Variants in SPTLC2 observed in about 807,000 individuals in gnomAD.
SPTLC2 encodes the protein serine palmitoyltransferase long chain base subunit 2.
In SPTLC2, 21 loss-of-function variants were observed where a neutral mutation model predicts 62.0. The ratio of observed to expected loss-of-function variants is 0.34; its 90% CI spans 0.24 to 0.49. SPTLC2 has a LOEUF of 0.49. SPTLC2 is among the 20% of genes least tolerant of loss of function. The probability of loss-of-function intolerance (pLI) is 0.99; values close to 1 mark genes in which losing one functional copy is unlikely to be tolerated. For missense variants in SPTLC2, 511 were observed against 713.0 expected (o/e 0.72, Z 3.23); for synonymous variants, 261 against 261.8 (o/e 1.00, Z 0.03).
intron 1 of SPTLC2, among the ~76,000 whole-genome samples, chr14:77,608,073 CA>C (rs2079914453): frequency 6.6e-6 from 1 of 152,166 alleles, no homozygotes; most frequent in African/African-American, 2.4e-5. Flanking sequence ...GAGGGTGCCG[CA>C]AAAGTCACCA....
At chr14:77,576,739 C>G in intron 4 of SPTLC2, 28 bp downstream of exon 4, 14 of 1,614,078 alleles carry the variant, frequency 8.7e-6, no homozygotes, top group Non-Finnish European at 1.1e-5. Context: ...TCAAAAACAG[C>G]AGCTGGCCAA....
chr14:77,544,280 GATT>G (rs971230230), intron 9 of SPTLC2, among the ~76,000 whole-genome samples: 1 of 152,086 alleles, frequency 6.6e-6, no homozygotes, highest in African/African-American at 2.4e-5. Flanking sequence ...AAAATGTTAC[GATT>G]ACATCCCAAA....
chr14:77,530,861 T>C (rs28719093), intron 9 of SPTLC2, among the ~76,000 whole-genome samples: 28,542 of 152,110 alleles, frequency 0.19, 3,340 homozygotes, highest in African/African-American at 0.33. Flanking sequence ...ATGTTAAGTA[T>C]TTAACGTAGG....
intron 3 of SPTLC2, among the ~76,000 whole-genome samples, chr14:77,578,132 G>A (rs80008117): frequency 0.12 from 18,711 of 152,080 alleles, 1,285 homozygotes; most frequent in African/African-American, 0.18. Flanking sequence ...GCAACAAAGC[G>A]AGACTCTGAC....
At chr14:77,584,009 C>T (rs2079767923) in intron 2 of SPTLC2, among the ~76,000 whole-genome samples, 1 of 152,190 alleles carries the variant, frequency 6.6e-6, no homozygotes, top group Non-Finnish European at 1.5e-5. Context: ...GCTTGAAATA[C>T]TCCTCACTTA....
intron 1 of SPTLC2, among the ~76,000 whole-genome samples, chr14:77,608,904 T>G (rs2079919669): frequency 6.9e-6 from 1 of 144,248 alleles, no homozygotes; most frequent in African/African-American, 2.6e-5. Flanking sequence ...GGTGACAGAT[T>G]GAGGCTCCAT....
chr14:77,604,051 G>T (rs780713175), intron 1 of SPTLC2, among the ~76,000 whole-genome samples: 2 of 152,340 alleles, frequency 1.3e-5, no homozygotes, highest in South Asian at 4.1e-4. Context: ...CACCACTGGA[G>T]AGGCAATCCG....
chr14:77,598,737 G>A (rs2079861662), intron 1 of SPTLC2, among the ~76,000 whole-genome samples: 1 of 152,138 alleles, frequency 6.6e-6, no homozygotes, highest in African/African-American at 2.4e-5. Context: ...TTTGAGACCA[G>A]CCTGGGCACA....
Position 77,597,276 on chromosome 14 carries a change from G to C in SPTLC2, c.237C>G (p.Gly79=). The C allele has an allele frequency of 6.2e-7, 1 of 1,614,072 alleles. No homozygotes were observed. Among genetic ancestry groups the C allele is most frequent in the Non-Finnish European group, 8.5e-7 (1 of 1,180,002 alleles). Residue 79 remains glycine (G), a synonymous_variant, in exon 2 of 12, where the codon GGC becomes GGG. Coordinates refer to ENST00000216484, the MANE Select transcript of SPTLC2 (RefSeq NM_004863.4). ...LVAVLTYVGY[G]VLTLFGYLRD... ...GAAGATATCCAAAGAGGGTGAGTAC[G>C]CCATACCCCACATACGTGAGCACAG...
rs1555373703 is a variant in SPTLC2 at position 77,529,620 on chromosome 14, C to CTTTCTTTTTTTTTTTTTTTTTTTT, written c.1304-8040_1304-8039insAAAAAAAAAAAAAAAAAAAAGAAA. Reference sequence around the variant, plus strand: ...TTCTAGGAAAGCAATTTCTTTCTTTCTTTTTTTTTTTTTTTTTTTTTTGAG... The same window carrying CTTTCTTTTTTTTTTTTTTTTTTTT: ...TTCTAGGAAAGCAATTTCTTTCTTTCTTTCTTTTTTTTTTTTTTTTTTTTTTTTTTTTTTTTTTTTTTTTTTGAG... On this transcript the variant is annotated intron_variant, in intron 9 of 11. Coordinates refer to ENST00000216484, the MANE Select transcript of SPTLC2 (RefSeq NM_004863.4). Among the ~76,000 whole-genome samples the CTTTCTTTTTTTTTTTTTTTTTTTT allele has an allele frequency of 9.6e-4, 73 of 76,054 alleles. 3 individuals carry two copies. The highest frequency in any genetic ancestry group is 1.5e-3 in the East Asian group (2 of 1,366). The allele number at this position is 76,054 out of a possible 152,430, so 49.9% of individuals were successfully genotyped here. A position where few individuals can be genotyped will look rare whatever the true frequency, so the allele number is the denominator to read the frequency against.
intron 11 of SPTLC2, among the ~76,000 whole-genome samples, chr14:77,516,018 ATGTG>A (rs896893191): frequency 8.2e-5 from 2 of 24,402 alleles, no homozygotes; most frequent in Non-Finnish European, 4.6e-4. Context: ...GCGCGCGCGC[ATGTG>A]TGTGTGTGTA....
intron 2 of SPTLC2, among the ~76,000 whole-genome samples, chr14:77,579,690 G>A (rs939158711): frequency 6.6e-6 from 1 of 152,062 alleles, no homozygotes; most frequent in Admixed American, 6.6e-5. Flanking sequence ...GGGCTGCAGT[G>A]AGCTATGATG....
Position 77,597,819 on chromosome 14 carries a change from GA to G in SPTLC2, c.133-440del, listed in dbSNP as rs571771933. 3.4e-3 allele frequency among the ~76,000 whole-genome samples: 432 copies of G among 128,676 alleles called. 2 individuals carry two copies. Among genetic ancestry groups the G allele is most frequent in the African/African-American group, 9.9e-3 (332 of 33,496 alleles). 84.4% of individuals were successfully genotyped at this position (128,676 alleles called of 152,430 possible). A position where few individuals can be genotyped will look rare whatever the true frequency, so the allele number is the denominator to read the frequency against. ...TAAGTTCCAACCTCACTGGAAACAA[GA>G]AAAAAAAAAAAAAGAATTTTAGGCC... is the stretch of plus-strand genomic sequence containing the variant. On this transcript the variant is annotated intron_variant, in intron 1 of 11. Coordinates refer to ENST00000216484, the MANE Select transcript of SPTLC2 (RefSeq NM_004863.4).
At chr14:77,566,157 T>C (rs990990986) in intron 5 of SPTLC2, among the ~76,000 whole-genome samples, 25 of 152,174 alleles carry the variant, frequency 1.6e-4, no homozygotes, top group African/African-American at 5.5e-4. Context: ...TCTTTTTTTC[T>C]GGCAAAAAGG....
intron 9 of SPTLC2, among the ~76,000 whole-genome samples, chr14:77,536,418 G>C (rs1281621451): frequency 6.6e-6 from 1 of 151,584 alleles, no homozygotes; most frequent in African/African-American, 2.4e-5. Flanking sequence ...ACGTCACCAG[G>C]TGATTTTTTA....
At chr14:77,529,620 C>CTTTTTTTTTTTTTTTTTTTTT (rs71452856) in intron 9 of SPTLC2, among the ~76,000 whole-genome samples, 9 of 76,054 alleles carry the variant, frequency 1.2e-4, no homozygotes, top group South Asian at 5.8e-4. Context: ...TTCTTTCTTT[C>CTTTTTTTTTTTTTTTTTTTTT]TTTTTTTTTT....
intron 9 of SPTLC2, among the ~76,000 whole-genome samples, chr14:77,524,457 T>G (rs1594969955): frequency 6.7e-6 from 1 of 148,824 alleles, no homozygotes; most frequent in Admixed American, 6.7e-5. Flanking sequence ...AAAAAAAAAG[T>G]TTTTTCAAAC....
intron 11 of SPTLC2, 71 bp downstream of exon 11, chr14:77,517,967 T>C (rs1311645941): frequency 1.3e-6 from 2 of 1,599,032 alleles, no homozygotes; most frequent in South Asian, 1.1e-5. Context: ...CAATATATTA[T>C]GAATTTCATC....
At position 77,569,222 on chromosome 14, in the gene SPTLC2, A is replaced by G. The variant is rs187407442; in HGVS notation, c.756+1162T>C. Among the ~76,000 whole-genome samples, 141 of 151,992 alleles carry G rather than the reference A, an allele frequency of 9.3e-4. 1 individual carries two copies. The highest frequency in any genetic ancestry group is 3.1e-3 in the African/African-American group (130 of 41,448). ...TATTTGCATGCTGTATTTTTTTTCT[A>G]TCCTTTTCCTTTTAACCTCTGTGTC... is the stretch of plus-strand genomic sequence containing the variant. On this transcript the variant is annotated intron_variant, in intron 5 of 11. Transcript: ENST00000216484.
Sources: gnomAD v4.1 joint callset for allele counts (sites outside exome capture counted in the v4.1 genomes callset) on GRCh38, gnomAD v4.1.1 for gene constraint, MANE v1.5 for transcripts, NCBI Gene and HGNC (gene_info 2026-07-23, HGNC 2026-07-21) for gene names.